SLIT3: variants seen among roughly 807,000 people sequenced by gnomAD.
The protein encoded by SLIT3 is slit guidance ligand 3.
In SLIT3, 68 loss-of-function variants were observed where a neutral mutation model predicts 184.0. That is an observed-to-expected ratio of 0.37 (90% CI 0.30 to 0.45). The LOEUF is 0.45. Ranked by LOEUF, SLIT3 falls within the 20% of genes least tolerant of loss-of-function variation. SLIT3 has a pLI of 1.00. For missense variants in SLIT3, 1,707 were observed against 2,026.0 expected (o/e 0.84, Z 3.02); for synonymous variants, 831 against 828.6 (o/e 1.00, Z -0.05).
chr5:168,798,103 CAAACGAAGAA>C (rs1166995109), intron 9 of SLIT3, among the ~76,000 whole-genome samples: 1 of 151,920 alleles, frequency 6.6e-6, no homozygotes, highest in Non-Finnish European at 1.5e-5. Context: ...GTGTGGCTTC[CAAACGAAGAA>C]AAAAGAATTC....
At chr5:168,801,852 C>G (rs1259230220) in intron 9 of SLIT3, among the ~76,000 whole-genome samples, 1 of 152,162 alleles carries the variant, frequency 6.6e-6, no homozygotes, top group Non-Finnish European at 1.5e-5. Flanking sequence ...GAGGAATGGG[C>G]TCTGGTATTC....
chr5:169,072,480 C>T (rs775993382), intron 4 of SLIT3, among the ~76,000 whole-genome samples: 1 of 152,194 alleles, frequency 6.6e-6, no homozygotes, highest in Non-Finnish European at 1.5e-5. Context: ...TTCCAGGTCT[C>T]TCCAGCTCCA....
intron 4 of SLIT3, among the ~76,000 whole-genome samples, chr5:169,058,128 C>T (rs1006252503): frequency 3.3e-5 from 5 of 152,222 alleles, no homozygotes; most frequent in East Asian, 1.9e-4. Context: ...TGTTCTTGCA[C>T]GGAAGGTCTT....
intron 11 of SLIT3, among the ~76,000 whole-genome samples, chr5:168,788,715 G>C (rs764680788): frequency 2.0e-5 from 3 of 152,042 alleles, no homozygotes; most frequent in South Asian, 4.2e-4. Flanking sequence ...GAGTTCTTCA[G>C]CTGTAAAAAT....
At chr5:168,790,680 G>C (rs1036721529) in intron 10 of SLIT3, 5 of 152,200 alleles carry the variant, frequency 3.3e-5, no homozygotes, top group Non-Finnish European at 5.9e-5. Flanking sequence ...GTGCAGAAGT[G>C]GGAGAGCTGG....
chr5:169,114,456 C>A (rs1760571042), intron 4 of SLIT3, among the ~76,000 whole-genome samples: 1 of 152,238 alleles, frequency 6.6e-6, no homozygotes, highest in African/African-American at 2.4e-5. Context: ...CTATTCTACA[C>A]TGTCTCTCGC....
intron 4 of SLIT3, among the ~76,000 whole-genome samples, chr5:168,960,541 T>C (rs1015452384): frequency 2.6e-5 from 4 of 152,198 alleles, no homozygotes; most frequent in African/African-American, 9.7e-5. Context: ...AGAGCTGGGA[T>C]TCAAACTCAG....
At chr5:168,825,463 C>T (rs143348066) in intron 6 of SLIT3, among the ~76,000 whole-genome samples, 164 of 152,324 alleles carry the variant, frequency 1.1e-3, no homozygotes, top group African/African-American at 3.8e-3. Context: ...CCCTCCCTCC[C>T]TCCCATATTT....
intron 13 of SLIT3, 84 bp downstream of exon 13, chr5:168,774,151 C>T: frequency 2.2e-6 from 3 of 1,345,006 alleles, no homozygotes; most frequent in Non-Finnish European, 2.1e-6. Context: ...GCTCGTGCTG[C>T]CCTCATTTGG....
intron 14 of SLIT3, chr5:168,768,203 G>C (rs751147155): frequency 3.8e-6 from 2 of 525,798 alleles, no homozygotes; most frequent in Non-Finnish European, 3.9e-6. Context: ...CGTTTCCATC[G>C]TTCCACCACA....
chr5:169,116,146 G>A (rs1211575103), intron 4 of SLIT3, among the ~76,000 whole-genome samples: 3 of 152,026 alleles, frequency 2.0e-5, no homozygotes, highest in Non-Finnish European at 2.9e-5. Flanking sequence ...AATAATTATT[G>A]TTTGGATTAT....
intron 6 of SLIT3, among the ~76,000 whole-genome samples, chr5:168,840,666 G>T (rs905646560): frequency 2.6e-5 from 4 of 152,106 alleles, no homozygotes; most frequent in Admixed American, 2.6e-4. Flanking sequence ...TGTTGTATGC[G>T]AATTACCAAA....
rs146039979 is a variant in SLIT3 at position 169,260,018 on chromosome 5, G to A, written c.198-8559C>T. ...CTGAATAAACCTTTCAATGTGTGAC[G>A]CCTCCACATTCAAGTTCCCACAGCA... On this transcript the variant is annotated intron_variant, in intron 1 of 35. Transcript: ENST00000519560. Among the ~76,000 whole-genome samples, 4 of 152,166 alleles carry A rather than the reference G, an allele frequency of 2.6e-5. 1 individual carries two copies. The highest frequency in any genetic ancestry group is 6.5e-5 in the Admixed American group (1 of 15,288).
chr5:168,963,176 C>G (rs886277788), intron 4 of SLIT3, among the ~76,000 whole-genome samples: 1 of 152,162 alleles, frequency 6.6e-6, no homozygotes, highest in Non-Finnish European at 1.5e-5. Context: ...ATGCTTATTT[C>G]TTTTCTTTTC....
chr5:168,753,149 C>T, intron 17 of SLIT3, 51 bp from the exon 18 acceptor site: 1 of 1,599,900 alleles, frequency 6.3e-7, no homozygotes, highest in Non-Finnish European at 8.5e-7. Context: ...TCTTTTCTGT[C>T]CCAAATGGTG....
chr5:169,182,846 T>G (rs534866836), intron 4 of SLIT3, among the ~76,000 whole-genome samples: 1 of 152,312 alleles, frequency 6.6e-6, no homozygotes, highest in South Asian at 2.1e-4. Flanking sequence ...AAGGCTGGCT[T>G]CTGGTTCTCG....
chr5:168,673,217 C>T lies in SLIT3; in HGVS notation c.3801G>A (p.Lys1267=), dbSNP rs1366468922. Residue 1267 remains lysine (K), a synonymous_variant, in exon 33 of 36, where the codon AAG becomes AAA. Transcript: ENST00000519560. ...GGCTGTTGATGCCCACTGCTGGCTG[C>T]TTCTGGAGCTTCCCCAGGCTCTTTG... is the stretch of plus-strand genomic sequence containing the variant. The part of the protein sequence containing the change: ...GTPKSLGKLQ[K]QPAVGINSPL... The T allele has an allele frequency of 6.8e-6, 11 of 1,614,164 alleles. No homozygotes were observed. Among genetic ancestry groups the T allele is most frequent in the Non-Finnish European group, 9.3e-6 (11 of 1,180,042 alleles).
chr5:168,878,292 A>G (rs1186771114), intron 5 of SLIT3, among the ~76,000 whole-genome samples: 2 of 152,196 alleles, frequency 1.3e-5, no homozygotes, highest in African/African-American at 4.8e-5. Flanking sequence ...TCTTCTCTGG[A>G]GAAGCAGGAA....
chr5:168,768,582 T>A (rs1755430048), intron 14 of SLIT3, among the ~76,000 whole-genome samples: 1 of 152,178 alleles, frequency 6.6e-6, no homozygotes, highest in South Asian at 2.1e-4. Flanking sequence ...CTAAACTCCA[T>A]TCAGTCACAC....
Sources: gnomAD v4.1 joint callset for allele counts (sites outside exome capture counted in the v4.1 genomes callset) on GRCh38, gnomAD v4.1.1 for gene constraint, MANE v1.5 for transcripts, NCBI Gene and HGNC (gene_info 2026-07-23, HGNC 2026-07-21) for gene names.